The following ABHD17B variants were observed in gnomAD, a reference collection of about 807,000 sequenced individuals.
ABHD17B encodes alpha/beta hydrolase domain-containing protein 17B.
ABHD17B carries 9 observed loss-of-function variants against 26.2 expected under a neutral mutation model. The ratio of observed to expected loss-of-function variants is 0.34; its 90% CI spans 0.21 to 0.60. The LOEUF (loss-of-function observed/expected upper bound fraction) is 0.60, where lower values mean the gene tolerates loss of function less well. ABHD17B is among the 20% of genes least tolerant of loss of function. ABHD17B has a pLI of 0.80. For synonymous variants in ABHD17B, 127 were observed against 122.3 expected, an observed-to-expected ratio of 1.04 and a Z score of -0.25; for missense variants, 224 against 352.1, an observed-to-expected ratio of 0.64 and a Z score of 2.91.
In ABHD17B at chr9:71,865,710, A is replaced by T. The variant is rs1223651786; in HGVS notation, c.*1077T>A. 4 of 629,116 alleles carry T rather than the reference A, an allele frequency of 6.4e-6. No individual in the cohort carries two copies. The highest frequency in any genetic ancestry group is 6.0e-5 in the African/African-American group (3 of 49,996). The allele number at this position is 629,116 out of a possible 1,614,324, so 39.0% of individuals were successfully genotyped here. On this transcript the variant is annotated 3_prime_UTR_variant, in exon 4 of 4. Transcript: ENST00000333421. ...ACCCTGTCTCTACTAAAAATACAAA[A>T]ATTAGCCAGGCGTGGTGGCAAGCAT...
chr9:71,867,908 T>C (rs35466420), intron 3 of ABHD17B, among the ~76,000 whole-genome samples: 2,230 of 152,178 alleles, frequency 0.015, 33 homozygotes, highest in Middle Eastern at 0.027. Flanking sequence ...GGAGGGACTT[T>C]TAGAAAGTCT....
chr9:71,898,463 C>T (rs535646197), intron 1 of ABHD17B, among the ~76,000 whole-genome samples: 161 of 144,968 alleles, frequency 1.1e-3, no homozygotes, highest in African/African-American at 4.1e-3. Flanking sequence ...GAAACTCCAT[C>T]TCTACTAAAA....
At chr9:71,903,601 T>A (rs1455235051) in intron 1 of ABHD17B, among the ~76,000 whole-genome samples, 1 of 152,212 alleles carries the variant, frequency 6.6e-6, no homozygotes, top group African/African-American at 2.4e-5. Context: ...AGCTCTAGCA[T>A]AAAGACATTC....
At chr9:71,877,646 G>A (rs1351299541) in intron 1 of ABHD17B, among the ~76,000 whole-genome samples, 1 of 152,196 alleles carries the variant, frequency 6.6e-6, no homozygotes, top group Non-Finnish European at 1.5e-5. Flanking sequence ...TCGAACTCCT[G>A]ACCTCAAATG....
chr9:71,898,635 A>G (rs573007943), intron 1 of ABHD17B, among the ~76,000 whole-genome samples: 93 of 151,800 alleles, frequency 6.1e-4, no homozygotes, highest in African/African-American at 2.1e-3. Flanking sequence ...GTGAAACTCT[A>G]TTTCAAACAA....
intron 1 of ABHD17B, among the ~76,000 whole-genome samples, chr9:71,903,045 G>A (rs1399125804): frequency 6.6e-6 from 1 of 152,098 alleles, no homozygotes; most frequent in African/African-American, 2.4e-5. Flanking sequence ...TTAGGCATGT[G>A]CTATGCATTT....
intron 1 of ABHD17B, among the ~76,000 whole-genome samples, chr9:71,880,330 C>A: frequency 6.6e-6 from 1 of 151,938 alleles, no homozygotes; most frequent in East Asian, 1.9e-4. Flanking sequence ...TCACTTTGAA[C>A]ATGCATGAAA....
intron 1 of ABHD17B, among the ~76,000 whole-genome samples, chr9:71,885,626 C>T (rs1443001525): frequency 3.9e-5 from 6 of 152,220 alleles, no homozygotes; most frequent in Admixed American, 1.3e-4. Flanking sequence ...CTCCTGGTAA[C>T]GTTTTCCTCC....
chr9:71,886,813 T>G (rs933457669), intron 1 of ABHD17B, among the ~76,000 whole-genome samples: 4 of 152,108 alleles, frequency 2.6e-5, no homozygotes, highest in African/African-American at 9.7e-5. Flanking sequence ...CAGCTCTGCT[T>G]GAAGACACAA....
chr9:71,881,105 AG>A (rs1190865276), intron 1 of ABHD17B, among the ~76,000 whole-genome samples: 4 of 149,336 alleles, frequency 2.7e-5, no homozygotes, highest in Non-Finnish European at 6.0e-5. Context: ...CTCATAATAA[AG>A]CAACAGTAAT....
chr9:71,872,405 T>C (rs1158963315), intron 2 of ABHD17B, among the ~76,000 whole-genome samples: 6 of 152,034 alleles, frequency 3.9e-5, no homozygotes, highest in South Asian at 4.1e-4. Context: ...AATTGGTAAA[T>C]GCCAAGATTA....
At chr9:71,904,603 A>G (rs1589233461) in intron 1 of ABHD17B, among the ~76,000 whole-genome samples, 1 of 152,226 alleles carries the variant, frequency 6.6e-6, no homozygotes, top group Admixed American at 6.5e-5. Flanking sequence ...GATGAGGATC[A>G]ATGATTAGTA....
At chr9:71,909,152 C>T (rs904783461) in intron 1 of ABHD17B, among the ~76,000 whole-genome samples, 1 of 152,200 alleles carries the variant, frequency 6.6e-6, no homozygotes, top group Admixed American at 6.5e-5. Context: ...ATACTGCACA[C>T]TAAGGGACAA....
In ABHD17B at chr9:71,911,000, G is replaced by GCCGCCA. The variant is rs1443109385; in HGVS notation, c.-376_-371dup. On this transcript the variant is annotated 5_prime_UTR_variant, in exon 1 of 4. Transcript: ENST00000333421. ...CCGCGCGGCCGTGGTCGCAGCCGCC[G>GCCGCCA]CCGCCACCGCCTCCCTTTCTGGCAC... 2 of 154,444 alleles carry GCCGCCA rather than the reference G, an allele frequency of 1.3e-5. No individual in the cohort carries two copies. Among genetic ancestry groups the GCCGCCA allele is most frequent in the African/African-American group, 2.4e-5 (1 of 41,456 alleles). 9.6% of individuals were successfully genotyped at this position (154,444 alleles called of 1,614,324 possible). A position where few individuals can be genotyped will look rare whatever the true frequency, so the allele number is the denominator to read the frequency against.
At chr9:71,902,035 G>A (rs535666747) in intron 1 of ABHD17B, among the ~76,000 whole-genome samples, 4 of 152,150 alleles carry the variant, frequency 2.6e-5, no homozygotes, top group East Asian at 1.9e-4. Context: ...GCTGTTCCTC[G>A]CTAAGAGAGG....
chr9:71,864,879 T>C (rs1302592964), downstream of ABHD17B, among the ~76,000 whole-genome samples: 2 of 152,210 alleles, frequency 1.3e-5, no homozygotes, highest in African/African-American at 4.8e-5. Context: ...AGTAACTGTC[T>C]GTTGAATGAA....
chr9:71,879,805 G>A (rs963662039), intron 1 of ABHD17B, among the ~76,000 whole-genome samples: 4 of 151,968 alleles, frequency 2.6e-5, no homozygotes, highest in African/African-American at 9.7e-5. Context: ...TCTGCTTTAG[G>A]GACTATTATT....
intron 3 of ABHD17B, among the ~76,000 whole-genome samples, chr9:71,867,342 T>C (rs889172372): frequency 4.6e-5 from 7 of 152,324 alleles, no homozygotes; most frequent in African/African-American, 1.7e-4. Flanking sequence ...AAGAACCATT[T>C]CAAGTATGCG....
intron 1 of ABHD17B, among the ~76,000 whole-genome samples, chr9:71,899,058 A>G (rs1484972988): frequency 6.6e-6 from 1 of 151,838 alleles, no homozygotes; most frequent in East Asian, 1.9e-4. Context: ...CGGTAGGCAG[A>G]GGCTACAGTG....
Sources: gnomAD v4.1 joint callset for allele counts (sites outside exome capture counted in the v4.1 genomes callset) on GRCh38, gnomAD v4.1.1 for gene constraint, MANE v1.5 for transcripts, NCBI Gene and HGNC (gene_info 2026-07-23, HGNC 2026-07-21) for gene names.